OSBPL10: variants seen among roughly 807,000 people sequenced by gnomAD.
OSBPL10 encodes the protein oxysterol binding protein like 10, also known as oxysterol-binding protein-related protein 10.
Under a neutral mutation model 81.7 loss-of-function variants are expected in OSBPL10, and 49 were observed. The ratio of observed to expected loss-of-function variants is 0.60; its 90% confidence interval spans 0.48 to 0.76. The LOEUF (loss-of-function observed/expected upper bound fraction) is 0.76. Ranked by LOEUF, OSBPL10 falls within the 30% of genes least tolerant of loss-of-function variation. The probability of loss-of-function intolerance (pLI) is 0.00; values close to 1 mark genes in which losing one functional copy is unlikely to be tolerated. For missense variants in OSBPL10, 923 were observed against 987.8 expected (o/e 0.93, Z 0.88); for synonymous variants, 419 against 383.6 (o/e 1.09, Z -1.08).
chr3:32,068,798 C>A (rs1699802792), intron 1 of OSBPL10, among the ~76,000 whole-genome samples: 1 of 152,102 alleles, frequency 6.6e-6, no homozygotes, highest in African/African-American at 2.4e-5. Flanking sequence ...TCCCTCCTGC[C>A]TGTCCCTTCA....
chr3:31,747,203 C>T (rs550273640), intron 5 of OSBPL10, among the ~76,000 whole-genome samples: 396 of 151,238 alleles, frequency 2.6e-3, no homozygotes, highest in Non-Finnish European at 4.1e-3. Context: ...TGGTGGAGGG[C>T]GCTATTTGGG....
In OSBPL10 at chr3:31,720,881, C is replaced by CAAAA. The variant is rs61492992; in HGVS notation, c.1095+12372_1095+12375dup. 5.9e-3 allele frequency among the ~76,000 whole-genome samples: 388 copies of CAAAA among 66,296 alleles called. 13 individuals carry two copies. Among genetic ancestry groups the CAAAA allele is most frequent in the African/African-American group, 0.023 (367 of 16,190 alleles). The allele number at this position is 66,296 out of a possible 152,430, so 43.5% of individuals were successfully genotyped here. A position where few individuals can be genotyped will look rare whatever the true frequency, so the allele number is the denominator to read the frequency against. ...TGGGCAACAGAGCGAGACTCTGTCT[C>CAAAA]AAAAAAAAAAAAAAAAAAAAAAAGG... On this transcript the variant is annotated intron_variant, in intron 6 of 11. Transcript: ENST00000396556.
At chr3:31,704,935 C>G (rs941784710) in intron 6 of OSBPL10, 1 of 152,250 alleles carries the variant, frequency 6.6e-6, no homozygotes, top group Admixed American at 6.5e-5. Flanking sequence ...AAACAAACCC[C>G]TCCATCCTTT....
At chr3:32,034,730 G>T (rs956219778) in intron 2 of OSBPL10, among the ~76,000 whole-genome samples, 1 of 152,184 alleles carries the variant, frequency 6.6e-6, no homozygotes, top group African/African-American at 2.4e-5. Flanking sequence ...TCAAGATATT[G>T]TATCAGCCAA....
chr3:31,957,797 C>T (rs920649523), intron 1 of OSBPL10, among the ~76,000 whole-genome samples: 13 of 152,114 alleles, frequency 8.5e-5, no homozygotes, highest in African/African-American at 2.7e-4. Flanking sequence ...CATGCCACCA[C>T]GCCTGACTAA....
chr3:31,817,177 A>T (rs996402256), intron 4 of OSBPL10, among the ~76,000 whole-genome samples: 1 of 152,190 alleles, frequency 6.6e-6, no homozygotes, highest in East Asian at 1.9e-4. Flanking sequence ...CACTCTGGTC[A>T]GTGGGACTGG....
intron 1 of OSBPL10, among the ~76,000 whole-genome samples, chr3:31,962,218 A>T (rs1488323345): frequency 6.6e-6 from 1 of 152,146 alleles, no homozygotes; most frequent in Non-Finnish European, 1.5e-5. Context: ...TGGCCTCCCA[A>T]AATGCTGGGA....
rs1433647766 is a variant in OSBPL10, at chr3:31,664,064, A to G, written c.2250+15T>C. On this transcript the variant is annotated intron_variant, in intron 11 of 11. Coordinates refer to ENST00000396556, the MANE Select transcript of OSBPL10 (RefSeq NM_017784.5). ...CTCTCCTGGGCAAGGGACCAATGAC[A>G]GGCGGCAGAGTTACCTCCTGGATAA... is the stretch of plus-strand genomic sequence containing the variant. The G allele has an allele frequency of 6.2e-7, 1 of 1,614,024 alleles. No homozygotes were observed. The highest frequency in any genetic ancestry group is 8.5e-7 in the Non-Finnish European group (1 of 1,180,028).
At chr3:31,933,473 T>A (rs538442802) in intron 1 of OSBPL10, among the ~76,000 whole-genome samples, 3 of 151,926 alleles carry the variant, frequency 2.0e-5, no homozygotes, top group Non-Finnish European at 4.4e-5. Context: ...GGTGCTATCA[T>A]AGCTCACTGC....
chr3:31,682,441 T>C (rs1353806396), intron 8 of OSBPL10, among the ~76,000 whole-genome samples: 2 of 152,254 alleles, frequency 1.3e-5, no homozygotes, highest in African/African-American at 4.8e-5. Context: ...ATGGGCTTCC[T>C]GTCTCCATCC....
chr3:31,898,596 C>G (rs1203874520), intron 1 of OSBPL10, among the ~76,000 whole-genome samples: 13 of 148,018 alleles, frequency 8.8e-5, no homozygotes, highest in Admixed American at 8.8e-4. Flanking sequence ...AAAAAAAAAT[C>G]TAAAAAAAAA....
chr3:31,830,071 T>G lies in OSBPL10; in HGVS notation c.698A>C (p.Gln233Pro). The change falls in exon 4 of 12, where the codon CAG becomes CCG. Residue 233 changes from glutamine (Q) to proline (P), a missense_variant. Transcript: ENST00000396556. ...SPAAARRAKS[Q>P]YSGQLHEVRE... is the part of the protein sequence containing the mutation. ...GACTTCGTGAAGCTGGCCGGAATAC[T>G]GACTCTTGGCTCTTCGGGCGGCTGC... 1.9e-6 allele frequency: 3 copies of G among 1,613,898 alleles called. No individual in the cohort carries two copies.
intron 1 of OSBPL10, among the ~76,000 whole-genome samples, chr3:31,881,566 G>A (rs1221997219): frequency 6.6e-6 from 1 of 152,172 alleles, no homozygotes; most frequent in Non-Finnish European, 1.5e-5. Context: ...CAGGAAAAGA[G>A]AACAGCAATG....
At chr3:31,665,250 C>T (rs187954448) in intron 10 of OSBPL10, among the ~76,000 whole-genome samples, 3 of 152,268 alleles carry the variant, frequency 2.0e-5, no homozygotes, top group Admixed American at 6.5e-5. Flanking sequence ...CAGGACACCA[C>T]CACCCAAGCA....
At chr3:31,973,127 G>A (rs922056968) in intron 1 of OSBPL10, among the ~76,000 whole-genome samples, 6 of 152,124 alleles carry the variant, frequency 3.9e-5, no homozygotes, top group East Asian at 1.9e-4. Context: ...AGCCTCCCAC[G>A]TTTCCGGCAC....
At chr3:31,891,587 A>T (rs1179619183) in intron 1 of OSBPL10, among the ~76,000 whole-genome samples, 2 of 152,220 alleles carry the variant, frequency 1.3e-5, no homozygotes, top group African/African-American at 2.4e-5. Context: ...GCAGACAGTA[A>T]ATCAGATCTG....
chr3:31,802,282 G>C (rs993246539), intron 4 of OSBPL10, among the ~76,000 whole-genome samples: 2 of 151,690 alleles, frequency 1.3e-5, no homozygotes, highest in Non-Finnish European at 2.9e-5. Flanking sequence ...CTGGGGCTGG[G>C]CATGGTGACT....
intron 2 of OSBPL10, among the ~76,000 whole-genome samples, chr3:32,001,765 A>AC (rs1362410299): frequency 6.6e-6 from 1 of 152,062 alleles, no homozygotes; most frequent in African/African-American, 2.4e-5. Flanking sequence ...GCCAATGGCA[A>AC]GTCAGTGAAA....
chr3:32,002,701 G>C lies in OSBPL10; in HGVS notation n.298+43790C>G, dbSNP rs185502369. 3.0e-3 allele frequency among the ~76,000 whole-genome samples: 452 copies of C among 152,282 alleles called. 2 individuals carry two copies. The highest frequency in any genetic ancestry group is 3.0e-3 in the Non-Finnish European group (201 of 68,016). ...ATGTTTCTGATAGTCTAAGATTTTAGAGAAAAAAGGTTTCTCAGTGAGTCA... is the reference window on the plus strand; with the variant it reads ...ATGTTTCTGATAGTCTAAGATTTTACAGAAAAAAGGTTTCTCAGTGAGTCA... On this transcript the variant is annotated intron_variant and non_coding_transcript_variant, in intron 2 of 3. Transcript: ENST00000479173.
Sources: gnomAD v4.1 joint callset for allele counts (sites outside exome capture counted in the v4.1 genomes callset) on GRCh38, gnomAD v4.1.1 for gene constraint, MANE v1.5 for transcripts, NCBI Gene and HGNC (gene_info 2026-07-23, HGNC 2026-07-21) for gene names.